The following PCSK5 variants were observed in gnomAD, a reference collection of about 807,000 sequenced individuals.
The protein encoded by PCSK5 is prohormone convertase 5.
PCSK5 carries 129 observed loss-of-function variants against 233.2 expected under a neutral mutation model. The observed-to-expected ratio is 0.55, with a 90% confidence interval of 0.48 to 0.64. The LOEUF is 0.64. Ranked by LOEUF, PCSK5 falls within the 30% of genes least tolerant of loss-of-function variation. The pLI is 0.00. For missense variants in PCSK5, 2,076 were observed against 2,430.1 expected, an observed-to-expected ratio of 0.85 and a Z score of 3.06; for synonymous variants, 825 against 879.2, an observed-to-expected ratio of 0.94 and a Z score of 1.09.
chr9:76,084,433 T>G (rs1029717920), intron 7 of PCSK5, among the ~76,000 whole-genome samples: 1 of 152,230 alleles, frequency 6.6e-6, no homozygotes, highest in African/African-American at 2.4e-5. Flanking sequence ...TGTGGGCAAT[T>G]TAAATCAACT....
chr9:76,057,832 C>CTTTTTTTTTTTT, intron 5 of PCSK5, among the ~76,000 whole-genome samples: 1 of 67,082 alleles, frequency 1.5e-5, no homozygotes, highest in Non-Finnish European at 2.6e-5. Flanking sequence ...TATTCAGGGG[C>CTTTTTTTTTTTT]TTTTTTTTTT....
At chr9:76,193,428 G>GAAAA (rs368878471) in intron 20 of PCSK5, 1 of 629,922 alleles carries the variant, frequency 1.6e-6, no homozygotes, top group Non-Finnish European at 2.2e-6. Flanking sequence ...AAGCCAAAAA[G>GAAAA]AAAAAAAAAA....
Position 76,310,714 on chromosome 9 carries a change from C to A in PCSK5, c.3747C>A (p.Ser1249=). Residue 1249 remains serine (S), a synonymous_variant, in exon 30 of 38, where the codon TCC becomes TCA. Transcript: ENST00000674117. The part of the protein sequence containing the change: ...VSSCPQGTWP[S]VRSGSCENCT... ...CCTGTCCCCAAGGCACATGGCCTTC[C>A]GTAAGGAGTGGGAGCTGCGAGAACT... 2 of 1,611,454 alleles carry A rather than the reference C, an allele frequency of 1.2e-6. No homozygotes were observed. Among genetic ancestry groups the A allele is most frequent in the South Asian group, 1.1e-5 (1 of 90,808 alleles).
chr9:76,057,832 C>CTTTTTTTTTTTTTTTTTTTTTTTTT (rs36017305), intron 5 of PCSK5, among the ~76,000 whole-genome samples: 1 of 67,078 alleles, frequency 1.5e-5, no homozygotes. Flanking sequence ...TATTCAGGGG[C>CTTTTTTTTTTTTTTTTTTTTTTTTT]TTTTTTTTTT....
chr9:76,140,902 A>G (rs1823188396), intron 10 of PCSK5, among the ~76,000 whole-genome samples: 1 of 152,108 alleles, frequency 6.6e-6, no homozygotes, highest in Non-Finnish European at 1.5e-5. Context: ...AATGTGTAAA[A>G]GCATCTACAT....
Position 76,292,222 on chromosome 9 carries a change from T to TC in PCSK5, c.3143-11_3143-10insC. On this transcript the variant is annotated splice_polypyrimidine_tract_variant and intron_variant, in intron 24 of 37. Transcript: ENST00000674117. ...TCATGATTATTACTTTTTATTATTT[T>TC]TTTTTTCCAGATGATCCAGGAACAT... 2 of 1,527,202 alleles carry TC rather than the reference T, an allele frequency of 1.3e-6. No homozygotes were observed. Among genetic ancestry groups the TC allele is most frequent in the Non-Finnish European group, 1.8e-6 (2 of 1,104,384 alleles). 94.6% of individuals were successfully genotyped at this position (1,527,202 alleles called of 1,614,324 possible).
chr9:76,055,003 T>C (rs559792863), intron 5 of PCSK5, among the ~76,000 whole-genome samples: 4 of 152,330 alleles, frequency 2.6e-5, no homozygotes, highest in Non-Finnish European at 5.9e-5. Context: ...TCATTTTTTT[T>C]CTTGCCTACA....
At chr9:75,986,541 C>T (rs116197675) in intron 3 of PCSK5, among the ~76,000 whole-genome samples, 300 of 152,296 alleles carry the variant, frequency 2.0e-3, no homozygotes, top group African/African-American at 6.6e-3. Flanking sequence ...TAGAAAAATA[C>T]GCAAAAGTGC....
chr9:75,894,454 G>A (rs888479554), intron 1 of PCSK5, among the ~76,000 whole-genome samples: 1 of 152,196 alleles, frequency 6.6e-6, no homozygotes, highest in Non-Finnish European at 1.5e-5. Flanking sequence ...GGACGTGCTT[G>A]ATTTCCAGAA....
intron 1 of PCSK5, among the ~76,000 whole-genome samples, chr9:75,903,335 G>A (rs1183570137): frequency 6.6e-6 from 1 of 151,516 alleles, no homozygotes; most frequent in Non-Finnish European, 1.5e-5. Context: ...TGTTAATTGA[G>A]GTTAGCATCA....
intron 2 of PCSK5, among the ~76,000 whole-genome samples, chr9:75,980,590 A>G (rs1826230076): frequency 1.3e-5 from 2 of 152,252 alleles, no homozygotes; most frequent in African/African-American, 4.8e-5. Context: ...TGAAATAAAC[A>G]GAATTTAAAC....
chr9:76,191,395 G>C (rs1824369506), intron 20 of PCSK5, among the ~76,000 whole-genome samples: 1 of 152,118 alleles, frequency 6.6e-6, no homozygotes, highest in African/African-American at 2.4e-5. Context: ...TCCAGGCCTT[G>C]GGCAGGTTAT....
intron 1 of PCSK5, among the ~76,000 whole-genome samples, chr9:75,891,654 C>T (rs1478698913): frequency 6.6e-6 from 1 of 152,076 alleles, no homozygotes; most frequent in African/African-American, 2.4e-5. Context: ...AGAGTGCCCC[C>T]GTGGTGGCTT....
intron 2 of PCSK5, among the ~76,000 whole-genome samples, chr9:75,948,335 A>G (rs1345136437): frequency 3.1e-5 from 1 of 32,432 alleles, no homozygotes; most frequent in African/African-American, 1.3e-4. Context: ...GAAAGGCCCC[A>G]TTGTGTGATG....
At chr9:76,070,183 G>A (rs1830435049) in intron 6 of PCSK5, among the ~76,000 whole-genome samples, 2 of 151,930 alleles carry the variant, frequency 1.3e-5, no homozygotes, top group African/African-American at 4.8e-5. Context: ...TGTATTTTTA[G>A]TAGAGACGGG....
intron 6 of PCSK5, 56 bp from the exon 7 acceptor site, chr9:76,071,670 T>C: frequency 7.0e-7 from 1 of 1,418,600 alleles, no homozygotes. Context: ...GCTCTGTTCT[T>C]TGAGTGTTGT....
At chr9:76,353,941 C>T in intron 36 of PCSK5, 92 bp from the exon 37 acceptor site, 1 of 888,184 alleles carries the variant, frequency 1.1e-6, no homozygotes. Flanking sequence ...CATCTCCCTC[C>T]TTATGAAGAC....
chr9:75,903,624 T>A (rs1233905754), intron 1 of PCSK5, among the ~76,000 whole-genome samples: 1 of 142,298 alleles, frequency 7.0e-6, no homozygotes, highest in African/African-American at 2.6e-5. Flanking sequence ...TATATATATA[T>A]AAAATAAGTA....
chr9:76,357,862 A>C (rs370882031), intron 37 of PCSK5, among the ~76,000 whole-genome samples: 1 of 152,222 alleles, frequency 6.6e-6, no homozygotes, highest in East Asian at 1.9e-4. Flanking sequence ...TTTATAAATT[A>C]TCTGCTCTTG....
Sources: allele counts gnomAD v4.1 joint callset (sites outside exome capture counted in the v4.1 genomes callset), GRCh38; gene constraint gnomAD v4.1.1; transcripts MANE v1.5; gene names NCBI Gene and HGNC (gene_info 2026-07-23, HGNC 2026-07-21).